Variants in COL5A1 observed in about 807,000 individuals in gnomAD.
COL5A1 encodes the protein collagen type V alpha 1 chain, also known as collagen alpha-1(V) chain.
COL5A1 carries 16 observed loss-of-function variants against 263.7 expected under a neutral mutation model. The observed-to-expected ratio is 0.06, with a 90% CI of 0.04 to 0.09. The LOEUF (loss-of-function observed/expected upper bound fraction) is 0.09, where lower values mean the gene tolerates loss of function less well. Among genes scored for constraint, COL5A1 ranks in the 10% least tolerant of loss-of-function variants. The pLI, the probability that COL5A1 is intolerant of heterozygous loss-of-function variation, is 1.00. For synonymous variants in COL5A1, 1,012 were observed against 1,004.5 expected, an observed-to-expected ratio of 1.01 and a Z score of -0.14; for missense variants, 2,036 against 2,540.5, an observed-to-expected ratio of 0.80 and a Z score of 4.27.
intron 2 of COL5A1, chr9:134,691,512 C>T (rs1034885342): frequency 1.5e-5 from 3 of 202,734 alleles, no homozygotes; most frequent in East Asian, 2.4e-4. Flanking sequence ...ATGAATCAAA[C>T]GTCGTGACTC....
In COL5A1 at chr9:134,741,070, C is replaced by A. The variant is rs938808116; in HGVS notation, c.1494+2262C>A. 1.3e-5 allele frequency among the ~76,000 whole-genome samples: 2 copies of A among 152,212 alleles called. No homozygotes were observed. The highest frequency in any genetic ancestry group is 2.4e-5 in the African/African-American group (1 of 41,464). ...CGGCCAGCCTTGTTCAGGAAGCCAT[C>A]CCTGCTCACCGCTCAGCGCCCTCTT... On this transcript the variant is annotated intron_variant, in intron 11 of 65. Coordinates refer to ENST00000371817, the MANE Select transcript of COL5A1 (RefSeq NM_000093.5). The surrounding 1 kb of genome is among the most constrained non-coding windows in gnomAD (Gnocchi z 4.5).
At chr9:134,806,578 A>T (rs1236767206) in intron 42 of COL5A1, among the ~76,000 whole-genome samples, 1 of 152,184 alleles carries the variant, frequency 6.6e-6, no homozygotes, top group Non-Finnish European at 1.5e-5. Context: ...CAGCCTGTCC[A>T]CGCGTGCATG....
intron 4 of COL5A1, chr9:134,708,927 C>T (rs1250623797): frequency 1.5e-5 from 7 of 456,636 alleles, no homozygotes; most frequent in East Asian, 6.9e-5. Flanking sequence ...CTTGTGGCCA[C>T]GTCGCCCCAG....
At chr9:134,760,066 T>TA (rs1836263271) in intron 18 of COL5A1, among the ~76,000 whole-genome samples, 1 of 52,624 alleles carries the variant, frequency 1.9e-5, no homozygotes. Context: ...ACCCCCACAC[T>TA]CATACATGCA....
At chr9:134,790,625 T>C (rs1456872273) in intron 32 of COL5A1, among the ~76,000 whole-genome samples, 3 of 128,162 alleles carry the variant, frequency 2.3e-5, no homozygotes, top group African/African-American at 9.0e-5. Context: ...CATCCATCCA[T>C]CCATCCATCC....
Position 134,731,505 on chromosome 9 carries a change from C to G in COL5A1, c.1174C>G (p.Pro392Ala). The G allele has an allele frequency of 6.2e-7, 1 of 1,614,196 alleles. No homozygotes were observed. The highest frequency in any genetic ancestry group is 8.5e-7 in the Non-Finnish European group (1 of 1,180,022). ...DTSNSSNPAP[P>A]PGEGADDLEG... ...TCCTCTCCCTCTGCAGCCAGCTCCG[C>G]CTCCAGGGGAAGGTGCGGATGACTT... Residue 392 changes from proline to alanine, a missense_variant, in exon 8 of 66, where the codon CCT becomes GCT. Pro to Ala is a conservative substitution (Grantham distance 27, BLOSUM62 -1). This residue lies in a region of COL5A1 where 600 missense variants were observed against 634.5 expected (regional missense o/e 0.95). Transcript: ENST00000371817.
chr9:134,703,959 A>C (rs570693391), intron 4 of COL5A1, among the ~76,000 whole-genome samples: 2 of 152,168 alleles, frequency 1.3e-5, no homozygotes, highest in African/African-American at 4.8e-5. Flanking sequence ...AATGTTTGTC[A>C]TGCAGTCTCT....
chr9:134,806,245 G>A lies in COL5A1; in HGVS notation c.3315G>A (p.Gly1105=), dbSNP rs1838292392. The A allele has an allele frequency of 6.5e-7, 1 of 1,550,242 alleles. No individual in the cohort carries two copies. The highest frequency in any genetic ancestry group is 8.7e-7 in the Non-Finnish European group (1 of 1,146,910). The part of the protein sequence containing the change: ...AGAAGPIGIP[G]RPGPQGPPGP... ...CCGCTGGGCCCATCGGAATTCCAGG[G>A]AGACCTGGGCCCCAGGGACCCCCAG... The change falls in exon 42 of 66, where the codon GGG becomes GGA. Residue 1105 remains glycine, a synonymous_variant. Transcript: ENST00000371817.
rs73664146 is a variant in COL5A1 at position 134,811,167 on chromosome 9, G to A, written c.3529-172G>A. Among the ~76,000 whole-genome samples, 7,392 of 152,216 alleles carry A rather than the reference G, an allele frequency of 0.049. 528 individuals are homozygous for A. The highest frequency in any genetic ancestry group is 0.14 in the African/African-American group (6,002 of 41,514). ...CAGGGTGGAACCAAGATCCTCATCT[G>A]CTTCCCAGAGCCTGCAGCAGGCTTG... On this transcript the variant is annotated intron_variant, in intron 44 of 65. Transcript: ENST00000371817.
At chr9:134,804,434 C>T (rs563800492) in intron 39 of COL5A1, among the ~76,000 whole-genome samples, 7 of 152,256 alleles carry the variant, frequency 4.6e-5, no homozygotes, top group African/African-American at 9.6e-5. Flanking sequence ...CCATTTAGGA[C>T]GATGCTTTTA....
rs1166646826 is a variant in COL5A1 at position 134,818,491 on chromosome 9, G to A, written c.4231-165G>A. ...GATGATCGGGATGGAGACTTGACCA[G>A]GGCAGCTTCCACAGGCAATGAAATG... On this transcript the variant is annotated intron_variant, in intron 54 of 65. Transcript: ENST00000371817. This position sits in a 1 kb window ranked among gnomAD's most constrained non-coding sequence, Gnocchi z 6.0. Among the ~76,000 whole-genome samples, 1 of 152,202 alleles carries A rather than the reference G, an allele frequency of 6.6e-6. No homozygotes were observed. The highest frequency in any genetic ancestry group is 2.4e-5 in the African/African-American group (1 of 41,446).
rs780864692 is a variant in COL5A1 at position 134,700,738 on chromosome 9, G to T, written c.492-433G>T. Among the ~76,000 whole-genome samples, 8 of 152,156 alleles carry T rather than the reference G, an allele frequency of 5.3e-5. No individual in the cohort carries two copies. Among genetic ancestry groups the T allele is most frequent in the African/African-American group, 1.9e-4 (8 of 41,440 alleles). On this transcript the variant is annotated intron_variant, in intron 3 of 65. Coordinates refer to ENST00000371817, the MANE Select transcript of COL5A1 (RefSeq NM_000093.5). This position sits in a 1 kb window ranked among gnomAD's most constrained non-coding sequence, Gnocchi z 4.0. ...CTGGCTGCCTGCAGTTTGCCATCGG[G>T]GTTCAGAGGGCACGTGACAAGTGCT...
At chr9:134,770,914 T>A (rs1335499915) in intron 25 of COL5A1, among the ~76,000 whole-genome samples, 1 of 152,256 alleles carries the variant, frequency 6.6e-6, no homozygotes, top group Non-Finnish European at 1.5e-5. Flanking sequence ...AGCTTTGTGC[T>A]TCCCCCCACT....
At chr9:134,673,586 G>A (rs1024927121) in intron 1 of COL5A1, among the ~76,000 whole-genome samples, 1 of 151,962 alleles carries the variant, frequency 6.6e-6, no homozygotes, top group South Asian at 2.1e-4. Flanking sequence ...TGTATTTAAA[G>A]GTAAGATTTA....
intron 44 of COL5A1, 108 bp downstream of exon 44, chr9:134,810,416 A>T (rs1838478569): frequency 1.9e-6 from 2 of 1,076,928 alleles, no homozygotes; most frequent in Non-Finnish European, 2.8e-6. Flanking sequence ...GCTGATGACT[A>T]GCGGGACATG....
intron 4 of COL5A1, among the ~76,000 whole-genome samples, chr9:134,711,900 G>T (rs2132598480): frequency 6.6e-6 from 1 of 152,046 alleles, no homozygotes; most frequent in Admixed American, 6.5e-5. Flanking sequence ...GATGGCGCTG[G>T]GCCTGAGTCT....
intron 31 of COL5A1, 54 bp downstream of exon 31, chr9:134,786,102 G>C: frequency 6.7e-7 from 1 of 1,490,100 alleles, no homozygotes; most frequent in Non-Finnish European, 9.2e-7. Flanking sequence ...TGTTCTGCCC[G>C]GTCTCCCCAC....
chr9:134,760,809 C>T (rs1836383438), intron 18 of COL5A1, among the ~76,000 whole-genome samples: 1 of 149,278 alleles, frequency 6.7e-6, no homozygotes, highest in Non-Finnish European at 1.5e-5. Flanking sequence ...CACCCTGACA[C>T]ACCCCCACAT....
intron 4 of COL5A1, among the ~76,000 whole-genome samples, chr9:134,702,860 G>A (rs1018713703): frequency 9.2e-5 from 14 of 152,242 alleles, no homozygotes; most frequent in African/African-American, 3.4e-4. Flanking sequence ...GATCACAGAT[G>A]TGGCTGCTTC....
Sources: gnomAD v4.1 joint callset for allele counts (sites outside exome capture counted in the v4.1 genomes callset) on GRCh38, gnomAD v4.1.1 for gene constraint, gnomAD v4.1.1 regional missense constraint, Gnocchi (gnomAD v3.1) non-coding constraint, MANE v1.5 for transcripts, NCBI Gene and HGNC (gene_info 2026-07-23, HGNC 2026-07-21) for gene names.